The following APPBP2 variants were observed in gnomAD, a reference collection of about 807,000 sequenced individuals.
APPBP2 encodes amyloid protein-binding protein 2.
APPBP2 carries 15 observed loss-of-function variants against 76.0 expected under a neutral mutation model. The observed-to-expected ratio is 0.20, with a 90% CI of 0.13 to 0.30. APPBP2 has a LOEUF of 0.30. APPBP2 is among the 10% of genes least tolerant of loss of function. The pLI is 1.00. For missense variants in APPBP2, 401 were observed against 687.2 expected, an observed-to-expected ratio of 0.58 and a Z score of 4.66; for synonymous variants, 222 against 242.2, an observed-to-expected ratio of 0.92 and a Z score of 0.77.
At chr17:60,474,176 TA>T (rs1368085710) in intron 4 of APPBP2, among the ~76,000 whole-genome samples, 1 of 151,310 alleles carries the variant, frequency 6.6e-6, no homozygotes, top group Admixed American at 6.6e-5. Flanking sequence ...ATTTTTTTTT[TA>T]TTTTTTTTTT....
intron 11 of APPBP2, among the ~76,000 whole-genome samples, chr17:60,453,389 G>A (rs2090409696): frequency 6.6e-6 from 1 of 151,522 alleles, no homozygotes; most frequent in East Asian, 1.9e-4. Context: ...TCACCATGTT[G>A]GCCAGGCTGG....
rs1339010822 is a variant in APPBP2 at position 60,443,690 on chromosome 17, CA to C, written c.*3890del. ...TGATCCAACACTTAACTGTGCACCACAAACCAAGTTTTCTAGATATCTATAT... is the reference window on the plus strand; with the variant it reads ...TGATCCAACACTTAACTGTGCACCACAACCAAGTTTTCTAGATATCTATAT... On this transcript the variant is annotated 3_prime_UTR_variant, in exon 13 of 13. Coordinates refer to ENST00000083182, the MANE Select transcript of APPBP2 (RefSeq NM_006380.5). 8 of 152,574 alleles carry C rather than the reference CA, an allele frequency of 5.2e-5. No individual in the cohort carries two copies. Among genetic ancestry groups the C allele is most frequent in the Non-Finnish European group, 1.0e-4 (7 of 68,036 alleles). 9.5% of individuals were successfully genotyped at this position (152,574 alleles called of 1,614,324 possible).
chr17:60,463,601 T>G (rs1234489377), intron 6 of APPBP2, among the ~76,000 whole-genome samples: 3 of 152,252 alleles, frequency 2.0e-5, no homozygotes, highest in African/African-American at 4.8e-5. Flanking sequence ...GCTGTGAGAC[T>G]GCAATACTAT....
chr17:60,459,489 C>CTTTTTTT (rs35042120), intron 9 of APPBP2: 2 of 116,132 alleles, frequency 1.7e-5, no homozygotes, highest in African/African-American at 3.9e-5. Flanking sequence ...GTTGTAGTCC[C>CTTTTTTT]TTTTTTTTTT....
chr17:60,465,716 G>A (rs758242348), intron 5 of APPBP2, among the ~76,000 whole-genome samples: 26 of 152,014 alleles, frequency 1.7e-4, no homozygotes, highest in Non-Finnish European at 2.5e-4. Context: ...ACTACAACAC[G>A]AGGCCCAACC....
intron 1 of APPBP2, among the ~76,000 whole-genome samples, chr17:60,517,819 A>T (rs1414638217): frequency 6.6e-6 from 1 of 152,136 alleles, no homozygotes; most frequent in Non-Finnish European, 1.5e-5. Flanking sequence ...TTCTTTCTTC[A>T]TCGTCATGAT....
rs141244519 is a variant in APPBP2 at position 60,501,542 on chromosome 17, A to G, written c.139-1055T>C. On this transcript the variant is annotated intron_variant, in intron 1 of 12. Coordinates refer to ENST00000083182, the MANE Select transcript of APPBP2 (RefSeq NM_006380.5). Reference sequence around the variant, plus strand: ...ATCCCTAGTAGCTAGGATTACAGGCATGCATCACCATGCCTAATTTTTTTT... The same window carrying G: ...ATCCCTAGTAGCTAGGATTACAGGCGTGCATCACCATGCCTAATTTTTTTT... Among the ~76,000 whole-genome samples the G allele has an allele frequency of 1.6e-4, 24 of 152,082 alleles. 1 individual carries two copies. In the East Asian group the frequency reaches 4.6e-3, roughly 29 times the overall value.
chr17:60,516,775 A>G (rs2090967303), intron 1 of APPBP2, among the ~76,000 whole-genome samples: 2 of 152,202 alleles, frequency 1.3e-5, no homozygotes, highest in Non-Finnish European at 1.5e-5. Context: ...CCAAAATGGC[A>G]TATCAACTTA....
intron 1 of APPBP2, among the ~76,000 whole-genome samples, chr17:60,520,346 G>C (rs192539866): frequency 4.6e-5 from 7 of 152,242 alleles, no homozygotes; most frequent in Non-Finnish European, 8.8e-5. Context: ...GCCGAGGCAG[G>C]CAGATCACCT....
chr17:60,513,120 GC>G, intron 1 of APPBP2: 1 of 268,772 alleles, frequency 3.7e-6, no homozygotes, highest in Non-Finnish European at 7.0e-6. Context: ...CTGAAACCCA[GC>G]GAGCTCGGAA....
rs1425577571 is a variant in APPBP2, at chr17:60,525,967, C to A, written c.-36G>T. The A allele has an allele frequency of 6.5e-7, 1 of 1,549,522 alleles. No individual in the cohort carries two copies. The highest frequency in any genetic ancestry group is 2.4e-5 in the East Asian group (1 of 42,010). On this transcript the variant is annotated 5_prime_UTR_variant, in exon 1 of 13. Transcript: ENST00000083182. ...TCCTCCTCCGCCTCCTCCGCCTCCTCCTCCCGAAGGCCCCCACCTCCCTCC... is the reference window on the plus strand; with the variant it reads ...TCCTCCTCCGCCTCCTCCGCCTCCTACTCCCGAAGGCCCCCACCTCCCTCC...
intron 4 of APPBP2, among the ~76,000 whole-genome samples, chr17:60,471,247 TTTGA>T (rs542228657): frequency 7.2e-5 from 11 of 152,310 alleles, no homozygotes; most frequent in Admixed American, 7.2e-4. Flanking sequence ...AAGTTTTTAT[TTTGA>T]TTAAGTCCAA....
rs538011603 is a variant in APPBP2, at chr17:60,488,670, T to C, written c.379+5796A>G. 1.2e-4 allele frequency among the ~76,000 whole-genome samples: 19 copies of C among 152,318 alleles called. No homozygotes were observed. The East Asian group carries it at 3.7e-3, about 29-fold the overall frequency. On this transcript the variant is annotated intron_variant, in intron 3 of 12. Coordinates refer to ENST00000083182, the MANE Select transcript of APPBP2 (RefSeq NM_006380.5). ...TAACTGTGAGTTTGCCAGGACTTGGTTCTCTCTCCAAGGTATCTAGTTGGG... is the reference window on the plus strand; with the variant it reads ...TAACTGTGAGTTTGCCAGGACTTGGCTCTCTCTCCAAGGTATCTAGTTGGG...
chr17:60,503,029 T>TG (rs2090834812), intron 1 of APPBP2, among the ~76,000 whole-genome samples: 1 of 142,878 alleles, frequency 7.0e-6, no homozygotes, highest in Non-Finnish European at 1.5e-5. Flanking sequence ...TTTTTTTTTT[T>TG]GGGACAGAGT....
intron 1 of APPBP2, among the ~76,000 whole-genome samples, chr17:60,508,235 T>C (rs1567939616): frequency 1.3e-5 from 2 of 152,234 alleles, no homozygotes; most frequent in East Asian, 3.9e-4. Context: ...ATGATGAAGG[T>C]AGGCAAACTG....
At chr17:60,447,973 T>C (rs1156928337) in intron 12 of APPBP2, 139 bp from the exon 13 acceptor site, 3 of 793,828 alleles carry the variant, frequency 3.8e-6, no homozygotes, top group Non-Finnish European at 5.8e-6. Context: ...GATATAATTC[T>C]TGTATCAGCA....
At chr17:60,456,240 T>C (rs2090430621) in intron 10 of APPBP2, 56 bp downstream of exon 10, 1 of 1,210,562 alleles carries the variant, frequency 8.3e-7, no homozygotes. Context: ...AATACCCCTA[T>C]TTTATACCAT....
Position 60,451,828 on chromosome 17 carries a change from T to C in APPBP2, c.1504+52A>G, listed in dbSNP as rs545412878. On this transcript the variant is annotated intron_variant, in intron 12 of 12. Transcript: ENST00000083182. ...TCCTTATACAACATATAAGACATGC[T>C]GACATGTTGATTTGTAATCAACTGA... 3.4e-5 allele frequency: 50 copies of C among 1,481,132 alleles called. 1 individual carries two copies. In the Admixed American group the frequency reaches 3.6e-4, roughly 11 times the overall value. The allele number at this position is 1,481,132 out of a possible 1,614,324, so 91.7% of individuals were successfully genotyped here.
At chr17:60,520,904 T>C (rs1014452830) in intron 1 of APPBP2, among the ~76,000 whole-genome samples, 1 of 152,166 alleles carries the variant, frequency 6.6e-6, no homozygotes, top group African/African-American at 2.4e-5. Flanking sequence ...CCCGTCTCTA[T>C]TTCCTTTCAC....
Sources: allele counts gnomAD v4.1 joint callset (sites outside exome capture counted in the v4.1 genomes callset), GRCh38; gene constraint gnomAD v4.1.1; transcripts MANE v1.5; gene names NCBI Gene and HGNC (gene_info 2026-07-23, HGNC 2026-07-21).